The following URB1 variants were observed in gnomAD, a reference collection of about 807,000 sequenced individuals.
URB1 encodes the protein nucleolar pre-ribosomal-associated protein 1.
URB1 carries 197 observed loss-of-function variants against 242.3 expected under a neutral mutation model. The ratio of observed to expected loss-of-function variants is 0.81; its 90% CI spans 0.72 to 0.91. The LOEUF (loss-of-function observed/expected upper bound fraction) is 0.91, where lower values mean the gene tolerates loss of function less well. URB1 is among the 40% of genes least tolerant of loss of function. The probability of loss-of-function intolerance (pLI) is 0.00; values close to 1 mark genes in which losing one functional copy is unlikely to be tolerated. For missense variants in URB1, 2,721 were observed against 2,860.5 expected (o/e 0.95, Z 1.11); for synonymous variants, 1,153 against 1,201.8 (o/e 0.96, Z 0.84).
At chr21:32,324,166 CCA>C (rs1057431866) in intron 32 of URB1, among the ~76,000 whole-genome samples, 5 of 152,150 alleles carry the variant, frequency 3.3e-5, no homozygotes, top group South Asian at 2.1e-4. Context: ...TTTGCTCTCA[CCA>C]CAGTTTCCTA....
chr21:32,320,030 AATC>A (rs2032745611), intron 35 of URB1, among the ~76,000 whole-genome samples: 1 of 152,160 alleles, frequency 6.6e-6, no homozygotes, highest in Non-Finnish European at 1.5e-5. Flanking sequence ...AATCACAATA[AATC>A]ATCAAGTTCA....
Position 32,316,543 on chromosome 21 carries a change from C to A in URB1, c.6557G>T (p.Arg2186Leu). Residue 2186 changes from arginine to leucine, a missense_variant, in exon 38 of 39, where the codon CGG (arginine) becomes CTG (leucine). Coordinates refer to ENST00000382751, the MANE Select transcript of URB1 (RefSeq NM_014825.3). ...GGCCGGGTGGAAGGGGCTCCCTGCC[C>A]GGCCCTGGGCAGCCACCAGCTGCAG... is the stretch of plus-strand genomic sequence containing the variant. ...VMLQLVAAQG[R>L]AGSPFHPAME... 6.4e-7 allele frequency: 1 copy of A among 1,550,790 alleles called. No homozygotes were observed.
In URB1 at chr21:32,311,594, G is replaced by T; in HGVS notation, c.*3324C>A. 6.5e-7 allele frequency: 1 copy of T among 1,534,548 alleles called. No homozygotes were observed. On this transcript the variant is annotated 3_prime_UTR_variant, in exon 39 of 39. Coordinates refer to ENST00000382751, the MANE Select transcript of URB1 (RefSeq NM_014825.3). ...CCTTCCCTATGGGGTCCGGGCAGAT[G>T]GCAGGTGTGGCAGGAAACCCCCCAG...
rs1478390945 is a variant in URB1, at chr21:32,311,835, G to C, written c.*3083C>G. On this transcript the variant is annotated 3_prime_UTR_variant, in exon 39 of 39. Coordinates refer to ENST00000382751, the MANE Select transcript of URB1 (RefSeq NM_014825.3). ...GGAGCCAGGGAGCAGAACTGGCCCT[G>C]ACCAGCCGCTACGACAGGAGAGCTC... is the stretch of plus-strand genomic sequence containing the variant. 1 of 1,613,084 alleles carries C rather than the reference G, an allele frequency of 6.2e-7. No homozygotes were observed. Among genetic ancestry groups the C allele is most frequent in the African/African-American group, 1.3e-5 (1 of 74,928 alleles).
chr21:32,380,060 C>T (rs931796472), intron 4 of URB1, among the ~76,000 whole-genome samples: 2 of 152,112 alleles, frequency 1.3e-5, no homozygotes, highest in Non-Finnish European at 2.9e-5. Context: ...TACAAACATA[C>T]GACTTATGTT....
rs114244127 is a variant in URB1 at position 32,366,728 on chromosome 21, G to A, written c.1225C>T (p.Arg409Trp). 8.9e-4 allele frequency: 1,379 copies of A among 1,551,494 alleles called. 13 individuals carry two copies. The African/African-American group carries it at 0.017, about 19-fold the overall frequency. Residue 409 changes from arginine (R) to tryptophan (W), a missense_variant, in exon 10 of 39, where the codon CGG becomes TGG. Transcript: ENST00000382751. ...ATAAACTCTCTGGTCTGAAATGCCC[G>A]GGAAATCTCCGGCTGAGCCTCATAG... Reference protein sequence around the residue: ...KIYEAQPEISRAFQTREFIPL... With the variant: ...KIYEAQPEISWAFQTREFIPL...
At position 32,338,768 on chromosome 21, in the gene URB1, C is replaced by A. The variant is rs58130645; in HGVS notation, c.4449G>T (p.Ser1483=). 2 of 1,551,584 alleles carry A rather than the reference C, an allele frequency of 1.3e-6. No homozygotes were observed. Among genetic ancestry groups the A allele is most frequent in the East Asian group, 4.9e-5 (2 of 40,916 alleles). ...PVVYVMLMQH[S]LFLPTLLTSD... is the part of the protein sequence containing the mutation. Reference sequence around the variant, plus strand: ...ACGTCAGTAGAGTCGGCAGAAACAGCGAGTGCTGCATGAGCATCACGTAGA... The same window carrying A: ...ACGTCAGTAGAGTCGGCAGAAACAGAGAGTGCTGCATGAGCATCACGTAGA... The change falls in exon 26 of 39, where the codon TCG becomes TCT. Residue 1483 remains serine (S), a synonymous_variant. Transcript: ENST00000382751.
At position 32,347,557 on chromosome 21, in the gene URB1, G is replaced by A. The variant is rs1298015347; in HGVS notation, c.3267C>T (p.Asn1089=). Residue 1089 remains asparagine (N), a synonymous_variant, in exon 22 of 39, where the codon AAC becomes AAT. Transcript: ENST00000382751. ...ITQSVLKELQ[N]RRAGPATSPP... is the part of the protein sequence containing the mutation. ...GTGATGTGGCCGGGCCCGCCCTCCT[G>A]TTCTGAAGTTCCTTCAGCACACTCT... The A allele has an allele frequency of 1.3e-6, 2 of 1,551,194 alleles. No homozygotes were observed. Among genetic ancestry groups the A allele is most frequent in the African/African-American group, 1.4e-5 (1 of 73,040 alleles).
Position 32,312,108 on chromosome 21 carries a change from A to C in URB1, c.*2810T>G. ...TTTGCATGTAGCAGAAAGGGCACCT[A>C]GGTCAAGTGCAACTAGAGCAGGAGC... is the stretch of plus-strand genomic sequence containing the variant. On this transcript the variant is annotated 3_prime_UTR_variant, in exon 39 of 39. Transcript: ENST00000382751. 3 of 1,572,034 alleles carry C rather than the reference A, an allele frequency of 1.9e-6. No individual in the cohort carries two copies. Among genetic ancestry groups the C allele is most frequent in the Non-Finnish European group, 2.6e-6 (3 of 1,165,686 alleles).
chr21:32,353,976 C>T lies in URB1; in HGVS notation c.2373G>A (p.Leu791=). The change falls in exon 18 of 39, where the codon CTG becomes CTA. Residue 791 remains leucine, a synonymous_variant. Coordinates refer to ENST00000382751, the MANE Select transcript of URB1 (RefSeq NM_014825.3). ...FPFSAVVPAA[L]EARNKLLLGT... Reference sequence around the variant, plus strand: ...CAAGGAGCAACTTATTCCTGGCTTCCAGGGCCGCAGGGACTACCGCACTGA... The same window carrying T: ...CAAGGAGCAACTTATTCCTGGCTTCTAGGGCCGCAGGGACTACCGCACTGA... 6.4e-7 allele frequency: 1 copy of T among 1,551,786 alleles called. No homozygotes were observed. Among genetic ancestry groups the T allele is most frequent in the Non-Finnish European group, 8.7e-7 (1 of 1,147,010 alleles).
At position 32,316,758 on chromosome 21, in the gene URB1, G is replaced by T; in HGVS notation, c.6342C>A (p.Ser2114Arg). ...CAATGAGTCCTGCAGCCTCTGCCCT[G>T]CTGAGCGGGTGCTCGGCCACCGACC... is the stretch of plus-strand genomic sequence containing the variant. The part of the protein sequence containing the change: ...VLRSVAEHPL[S>R]RAEAAGLIGW... The change falls in exon 38 of 39, where the codon AGC becomes AGA. Residue 2114 changes from serine (S) to arginine (R), a missense_variant. Physicochemically the swap from Ser to Arg is moderately radical, Grantham distance 110. Transcript: ENST00000382751. The T allele has an allele frequency of 1.3e-6, 2 of 1,550,898 alleles. No homozygotes were observed. Among genetic ancestry groups the T allele is most frequent in the African/African-American group, 2.7e-5 (2 of 73,176 alleles).
At position 32,392,829 on chromosome 21, in the gene URB1, C is replaced by A. The variant is rs1199980067; in HGVS notation, c.82G>T (p.Glu28Ter). 4 of 1,532,944 alleles carry A rather than the reference C, an allele frequency of 2.6e-6. No individual in the cohort carries two copies. Among genetic ancestry groups the A allele is most frequent in the South Asian group, 1.2e-5 (1 of 83,384 alleles). 95.0% of individuals were successfully genotyped at this position (1,532,944 alleles called of 1,614,324 possible). ...TTGAACCGCACGCCCGTGAGCTCTT[C>A]TTTGCGGGCGCGCTTGGCTGCACCC... ...SAGAAKRARK[E>*]ELTGVRFKAQ... Residue 28 changes from glutamate (E) to a stop codon, truncating the protein, a stop_gained, in exon 1 of 39, where the codon GAA (glutamate) becomes TAA (stop). Coordinates refer to ENST00000382751, the MANE Select transcript of URB1 (RefSeq NM_014825.3). LOFTEE classifies it high-confidence loss of function.
chr21:32,391,377 AAAG>A (rs1488651788), intron 1 of URB1, among the ~76,000 whole-genome samples: 1 of 151,608 alleles, frequency 6.6e-6, no homozygotes, highest in African/African-American at 2.4e-5. Context: ...ATTAAAAAAA[AAAG>A]AAAAGAAAAG....
intron 4 of URB1, among the ~76,000 whole-genome samples, chr21:32,380,691 A>G (rs1221496244): frequency 8.2e-6 from 1 of 121,524 alleles, no homozygotes; most frequent in Non-Finnish European, 1.8e-5. Context: ...TCAAGCAGTT[A>G]ATTTTCTTGA....
At chr21:32,358,529 A>G (rs2033249407) in intron 14 of URB1, among the ~76,000 whole-genome samples, 1 of 152,166 alleles carries the variant, frequency 6.6e-6, no homozygotes, top group African/African-American at 2.4e-5. Flanking sequence ...AACTCTACTG[A>G]GCCTGTGTGT....
In URB1 at chr21:32,314,440, C is replaced by A; in HGVS notation, c.*478G>T. The A allele has an allele frequency of 1.0e-6, 1 of 969,854 alleles. No homozygotes were observed. Among genetic ancestry groups the A allele is most frequent in the South Asian group, 1.3e-5 (1 of 74,572 alleles). 60.1% of individuals were successfully genotyped at this position (969,854 alleles called of 1,614,324 possible). The stretch of plus-strand genomic sequence containing the variant: ...CCTCAGGTGATTCACCCGCCTTGGC[C>A]TCCCAAAGTGCTGGGATTATAGGCG... On this transcript the variant is annotated 3_prime_UTR_variant, in exon 39 of 39. Coordinates refer to ENST00000382751, the MANE Select transcript of URB1 (RefSeq NM_014825.3).
In URB1 at chr21:32,319,800, C is replaced by G. The variant is rs540295003; in HGVS notation, c.5595-386G>C. On this transcript the variant is annotated intron_variant, in intron 35 of 38. Coordinates refer to ENST00000382751, the MANE Select transcript of URB1 (RefSeq NM_014825.3). ...ATTTTGGATATTAATTTCTTCCCCC[C>G]ACCCACTTTTTTTGTTGTTTGCAGA... is the stretch of plus-strand genomic sequence containing the variant. 6.6e-5 allele frequency among the ~76,000 whole-genome samples: 10 copies of G among 152,320 alleles called. No homozygotes were observed. The East Asian group carries it at 1.9e-3, about 29-fold the overall frequency.
chr21:32,333,374 C>T lies in URB1; in HGVS notation c.4903G>A (p.Asp1635Asn). 1 of 1,551,732 alleles carries T rather than the reference C, an allele frequency of 6.4e-7. No homozygotes were observed. Among genetic ancestry groups the T allele is most frequent in the Non-Finnish European group, 8.7e-7 (1 of 1,147,002 alleles). Reference protein sequence around the residue: ...IFKDKSRVDLDGLYDPCFLLQ... With the variant: ...IFKDKSRVDLNGLYDPCFLLQ... ...AGAAAGCAGGGGTCATAGAGGCCAT[C>T]AAGATCCACCCTGCTTTTGTCTTTG... The change falls in exon 30 of 39, where the codon GAT becomes AAT. Residue 1635 changes from aspartate to asparagine, a missense_variant. Transcript: ENST00000382751.
At chr21:32,341,639 C>G (rs2033031442) in intron 24 of URB1, 115 bp from the exon 25 acceptor site, 1 of 874,348 alleles carries the variant, frequency 1.1e-6, no homozygotes, top group African/African-American at 1.7e-5. Flanking sequence ...TGACTACCTC[C>G]TCTGTAAAAC....
Sources: allele counts gnomAD v4.1 joint callset (sites outside exome capture counted in the v4.1 genomes callset), GRCh38; gene constraint gnomAD v4.1.1; transcripts MANE v1.5; gene names NCBI Gene and HGNC (gene_info 2026-07-23, HGNC 2026-07-21).